Variants in MATN1 observed in about 807,000 individuals in gnomAD.
MATN1 encodes the protein matrilin-1.
Under a neutral mutation model 41.3 loss-of-function variants are expected in MATN1, and 34 were observed. That is an observed-to-expected ratio of 0.82 (90% confidence interval 0.63 to 1.10). MATN1 has a LOEUF of 1.10. Ranked by LOEUF, MATN1 falls within the 50% of genes least tolerant of loss-of-function variation. The probability of loss-of-function intolerance (pLI) is 0.00; values close to 1 mark genes in which losing one functional copy is unlikely to be tolerated. For missense variants in MATN1, 602 were observed against 662.4 expected, an observed-to-expected ratio of 0.91 and a Z score of 1.00; for synonymous variants, 264 against 278.7, an observed-to-expected ratio of 0.95 and a Z score of 0.53.
At chr1:30,718,228 T>G (rs1487793768) in intron 3 of MATN1, among the ~76,000 whole-genome samples, 2 of 148,634 alleles carry the variant, frequency 1.3e-5, no homozygotes, top group East Asian at 2.0e-4. Context: ...CGCTGACTTT[T>G]TCTGTCTTCA....
rs576221005 is a variant in MATN1, at chr1:30,711,608, G to C, written c.*1974C>G. ...CTCCACCCACCGGGCAGGGAAGAAC[G>C]AGGTCCTATTCCCAGGCAGGGCTTC... On this transcript the variant is annotated 3_prime_UTR_variant, in exon 8 of 8. Transcript: ENST00000373765. The C allele has an allele frequency of 1.2e-4, 19 of 152,340 alleles. No homozygotes were observed. The highest frequency in any genetic ancestry group is 4.6e-4 in the African/African-American group (19 of 41,550). The allele number at this position is 152,340 out of a possible 1,614,324, so 9.4% of individuals were successfully genotyped here.
chr1:30,717,864 A>T (rs1009966585), intron 3 of MATN1, among the ~76,000 whole-genome samples: 32 of 152,082 alleles, frequency 2.1e-4, no homozygotes, highest in African/African-American at 7.5e-4. Context: ...CATGTTGGCC[A>T]GGATGGTCTC....
chr1:30,719,009 G>A (rs1639663391), intron 2 of MATN1, 52 bp from the exon 3 acceptor site: 4 of 1,313,186 alleles, frequency 3.0e-6, no homozygotes, highest in East Asian at 3.0e-5. Flanking sequence ...CCACGGGACT[G>A]TCCAGGAGAG....
chr1:30,718,175 G>T (rs1639644513), intron 3 of MATN1, among the ~76,000 whole-genome samples: 1 of 149,426 alleles, frequency 6.7e-6, no homozygotes, highest in Non-Finnish European at 1.5e-5. Context: ...ATAGGCTACC[G>T]CCCCAGCCAG....
intron 2 of MATN1, 184 bp downstream of exon 2, chr1:30,721,221 C>A: frequency 1.6e-6 from 1 of 625,438 alleles, no homozygotes; most frequent in Non-Finnish European, 2.8e-6. Flanking sequence ...CTTCAAATCC[C>A]AGCTCTGTCA....
intron 3 of MATN1, among the ~76,000 whole-genome samples, chr1:30,717,218 T>G (rs1327517514): frequency 6.6e-6 from 1 of 152,240 alleles, no homozygotes; most frequent in Admixed American, 6.5e-5. Flanking sequence ...GACACCCAAG[T>G]GTCTAGAACA....
At position 30,714,273 on chromosome 1, in the gene MATN1, C is replaced by T; in HGVS notation, c.1415G>A (p.Gly472Glu). Residue 472 changes from glycine (G) to glutamate (E), a missense_variant, in exon 7 of 8, where the codon GGG becomes GAG. Coordinates refer to ENST00000373765, the MANE Select transcript of MATN1 (RefSeq NM_002379.3). ...SLVKFQAKVE[G>E]LLQALTRKLE... ...TTTCCTGGTCAGGGCCTGCAGCAGCCCCTCCACTTTGGCTTGGAATTTCAC... is the reference window on the plus strand; with the variant it reads ...TTTCCTGGTCAGGGCCTGCAGCAGCTCCTCCACTTTGGCTTGGAATTTCAC... 1 of 1,610,472 alleles carries T rather than the reference C, an allele frequency of 6.2e-7. No homozygotes were observed. The highest frequency in any genetic ancestry group is 1.1e-5 in the South Asian group (1 of 89,962).
intron 2 of MATN1, 24 bp from the exon 3 acceptor site, chr1:30,718,981 C>T (rs1200602298): frequency 3.4e-6 from 5 of 1,467,302 alleles, no homozygotes; most frequent in Non-Finnish European, 4.5e-6. Context: ...GGCGGTGTGA[C>T]ACCGGGCTCC....
intron 1 of MATN1, among the ~76,000 whole-genome samples, chr1:30,722,254 A>G (rs1421805022): frequency 1.3e-5 from 2 of 152,280 alleles, no homozygotes; most frequent in Non-Finnish European, 2.9e-5. Flanking sequence ...GAGCCAAAGC[A>G]GTGCCCGTCA....
chr1:30,715,137 C>A lies in MATN1; in HGVS notation c.1360+20G>T, dbSNP rs760185273. The A allele has an allele frequency of 1.4e-5, 22 of 1,612,358 alleles. No homozygotes were observed. The highest frequency in any genetic ancestry group is 1.9e-5 in the Non-Finnish European group (22 of 1,178,800). On this transcript the variant is annotated intron_variant, in intron 6 of 7. Transcript: ENST00000373765. ...GCCCCACCTGCAAATCCCATCAATG[C>A]CAGCCCTGGCCTCACTCACCCACAC...
In MATN1 at chr1:30,721,693, G is replaced by T. The variant is rs781566373; in HGVS notation, c.153C>A (p.Ser51Arg). 6.2e-7 allele frequency: 1 copy of T among 1,613,124 alleles called. No individual in the cohort carries two copies. Among genetic ancestry groups the T allele is most frequent in the East Asian group, 2.2e-5 (1 of 44,888 alleles). The change falls in exon 2 of 8, where the codon AGC becomes AGA. Residue 51 changes from serine to arginine, a missense_variant. Transcript: ENST00000373765. ...DLVFVVDSSR[S>R]VRPVEFEKVK... ...CTTTCTCAAATTCAACAGGCCGAAC[G>T]CTGCGAGAGCTGTCGACAACAAACA...
chr1:30,716,272 C>G lies in MATN1; in HGVS notation c.844G>C (p.Gly282Arg). Residue 282 changes from glycine (G) to arginine (R), a missense_variant, in exon 5 of 8, where the codon GGA (glycine) becomes CGA (arginine). Gly to Arg is a moderately radical substitution (Grantham distance 125). Coordinates refer to ENST00000373765, the MANE Select transcript of MATN1 (RefSeq NM_002379.3). ...TTCTCTGGCCTCACACTCTTGGATC[C>G]GTCAATGAGGAAGACCAGGTCAGTG... ...SATDLVFLID[G>R]SKSVRPENFE... The G allele has an allele frequency of 6.2e-7, 1 of 1,614,132 alleles. No individual in the cohort carries two copies. The highest frequency in any genetic ancestry group is 2.2e-5 in the East Asian group (1 of 44,892).
At chr1:30,719,523 C>G (rs1172868929) in intron 2 of MATN1, 1 of 153,584 alleles carries the variant, frequency 6.5e-6, no homozygotes, top group Non-Finnish European at 1.5e-5. Flanking sequence ...GCCCAAGGGA[C>G]CAACCCAAGA....
At chr1:30,718,524 GC>G in intron 3 of MATN1, 1 of 100,758 alleles carries the variant, frequency 9.9e-6, no homozygotes, top group Non-Finnish European at 1.8e-5. Context: ...CTCCGCCTCC[GC>G]CCCCGGCTCC....
chr1:30,715,389 G>A, intron 5 of MATN1, 80 bp from the exon 6 acceptor site: 1 of 1,447,770 alleles, frequency 6.9e-7, no homozygotes. Context: ...GAAGGCTTAG[G>A]CAGCCAACAC....
rs1050164707 is a variant in MATN1, at chr1:30,718,747, C to T, written c.652G>A (p.Glu218Lys). Reference protein sequence around the residue: ...VIEKLSRKFQEAFCVVSDLCA... With the variant: ...VIEKLSRKFQKAFCVVSDLCA... ...CCTGCCCGCGCACCGCAGAAGGCCTCCTGGAACTTCCTGGACAGCTTCTCG... is the reference window on the plus strand; with the variant it reads ...CCTGCCCGCGCACCGCAGAAGGCCTTCTGGAACTTCCTGGACAGCTTCTCG... The change falls in exon 3 of 8, where the codon GAG becomes AAG. Residue 218 changes from glutamate (E) to lysine (K), a missense_variant. Transcript: ENST00000373765. 1.9e-6 allele frequency: 3 copies of T among 1,587,986 alleles called. No homozygotes were observed. The highest frequency in any genetic ancestry group is 2.6e-6 in the Non-Finnish European group (3 of 1,164,072).
intron 4 of MATN1, 23 bp from the exon 5 acceptor site, chr1:30,716,348 G>C: frequency 6.2e-7 from 1 of 1,604,444 alleles, no homozygotes. Flanking sequence ...GGAAGGCAAC[G>C]GGCTGAAGCT....
At chr1:30,713,753 A>G in intron 7 of MATN1, 122 bp from the exon 8 acceptor site, 1 of 773,134 alleles carries the variant, frequency 1.3e-6, no homozygotes, top group Non-Finnish European at 2.2e-6. Flanking sequence ...GTCAGAACTT[A>G]TCCATCCACT....
chr1:30,717,641 G>GT (rs1557450696), intron 3 of MATN1, among the ~76,000 whole-genome samples: 12 of 136,842 alleles, frequency 8.8e-5, no homozygotes, highest in African/African-American at 3.5e-4. Context: ...TTGTGTGTGC[G>GT]GTTTTTTTTT....
Sources: gnomAD v4.1 joint callset for allele counts (sites outside exome capture counted in the v4.1 genomes callset) on GRCh38, gnomAD v4.1.1 for gene constraint, MANE v1.5 for transcripts, NCBI Gene and HGNC (gene_info 2026-07-23, HGNC 2026-07-21) for gene names.